CILP2: variants seen among roughly 807,000 people sequenced by gnomAD.
CILP2 encodes the protein CILP-2.
A neutral mutation model predicts 45.6 loss-of-function variants in CILP2; 38 were observed. The ratio of observed to expected loss-of-function variants is 0.83; its 90% CI spans 0.64 to 1.09. The LOEUF is 1.09. Among genes scored for constraint, CILP2 ranks in the 50% least tolerant of loss-of-function variants. The probability of loss-of-function intolerance (pLI) is 0.00; values close to 1 mark genes in which losing one functional copy is unlikely to be tolerated. For synonymous variants in CILP2, 780 were observed against 723.5 expected, an observed-to-expected ratio of 1.08 and a Z score of -1.25; for missense variants, 1,735 against 1,662.2, an observed-to-expected ratio of 1.04 and a Z score of -0.76.
rs772197980 is a variant in CILP2 at position 19,545,652 on chromosome 19, C to A, written c.3107C>A (p.Pro1036Gln). The change falls in exon 8 of 8, where the codon CCA becomes CAA. Residue 1036 changes from proline to glutamine, a missense_variant. Pro to Gln is a moderately conservative substitution (Grantham distance 76, BLOSUM62 -1). Coordinates refer to ENST00000291495, the MANE Select transcript of CILP2 (RefSeq NM_153221.2). ...LLRDYLTRHP[P>Q]PVPAEDPAAF... ...CGGGATTACCTGACCCGGCACCCCC[C>A]ACCGGTGCCCGCGGAGGACCCAGCT... 25 of 1,609,300 alleles carry A rather than the reference C, an allele frequency of 1.6e-5. No individual in the cohort carries two copies. The highest frequency in any genetic ancestry group is 2.7e-5 in the African/African-American group (2 of 74,850).
rs1174430552 is a variant in CILP2 at position 19,545,338 on chromosome 19, C to A, written c.2793C>A (p.Pro931=). 13 of 1,612,252 alleles carry A rather than the reference C, an allele frequency of 8.1e-6. No individual in the cohort carries two copies. Among genetic ancestry groups the A allele is most frequent in the Non-Finnish European group, 1.1e-5 (13 of 1,179,766 alleles). Residue 931 remains proline (P), a synonymous_variant, in exon 8 of 8, where the codon CCC becomes CCA. Coordinates refer to ENST00000291495, the MANE Select transcript of CILP2 (RefSeq NM_153221.2). The stretch of plus-strand genomic sequence containing the variant: ...CTGGCGATCTCCTGGCCTGGTGGCC[C>A]AACCCGCAGGAGTTCCGGGCCTGCT... ...SWTGDLLAWW[P]NPQEFRACFL... is the part of the protein sequence containing the mutation.
Position 19,545,771 on chromosome 19 carries a change from G to A in CILP2, c.3226G>A (p.Ala1076Thr), listed in dbSNP as rs1180523127. 1 of 1,606,544 alleles carries A rather than the reference G, an allele frequency of 6.2e-7. No homozygotes were observed. Among genetic ancestry groups the A allele is most frequent in the Middle Eastern group, 1.7e-4 (1 of 6,024 alleles). ...DQSPRLAKEI[A>T]IGRCFDGSSD... ...GAGCCCACGCTTGGCCAAGGAGATC[G>A]CCATTGGCCGCTGCTTTGATGGTTC... Residue 1076 changes from alanine (A) to threonine (T), a missense_variant, in exon 8 of 8, where the codon GCC (alanine) becomes ACC (threonine). By Grantham distance (58) the Ala-to-Thr change is moderately conservative (BLOSUM62 0). Transcript: ENST00000291495.
intron 4 of CILP2, among the ~76,000 whole-genome samples, chr19:19,542,013 G>A (rs1030705931): frequency 5.9e-5 from 9 of 152,186 alleles, no homozygotes; most frequent in Admixed American, 5.2e-4. Flanking sequence ...GGGAAGGGGG[G>A]CAGTTGTTCT....
chr19:19,540,546 G>C (rs2061239661), intron 3 of CILP2, 70 bp downstream of exon 3: 9 of 1,216,462 alleles, frequency 7.4e-6, no homozygotes, highest in Non-Finnish European at 9.7e-6. Flanking sequence ...GGGAAGAGTC[G>C]TGGTGGGTGG....
Position 19,540,188 on chromosome 19 carries a change from C to G in CILP2, c.164-16C>G. The G allele has an allele frequency of 6.4e-7, 1 of 1,561,328 alleles. No homozygotes were observed. The highest frequency in any genetic ancestry group is 8.6e-7 in the Non-Finnish European group (1 of 1,157,270). On this transcript the variant is annotated splice_polypyrimidine_tract_variant and intron_variant, in intron 2 of 7. Coordinates refer to ENST00000291495, the MANE Select transcript of CILP2 (RefSeq NM_153221.2). Reference sequence around the variant, plus strand: ...ACAGGCCGCCGCCCTGGTCCCAGCGCGTGCGGTGCCCGCAGAGGCCAGCGA... The same window carrying G: ...ACAGGCCGCCGCCCTGGTCCCAGCGGGTGCGGTGCCCGCAGAGGCCAGCGA...
chr19:19,546,434 C>T lies in CILP2; in HGVS notation c.*418C>T, dbSNP rs2061265646. 1 of 157,058 alleles carries T rather than the reference C, an allele frequency of 6.4e-6. No individual in the cohort carries two copies. The highest frequency in any genetic ancestry group is 6.5e-5 in the Admixed American group (1 of 15,462). 9.7% of individuals were successfully genotyped at this position (157,058 alleles called of 1,614,324 possible). ...GCTAGACCAGGTCCCCTGCCCCGAG[C>T]TTTGTTTTTGGGGTTATTTATTGAA... On this transcript the variant is annotated 3_prime_UTR_variant, in exon 8 of 8. Coordinates refer to ENST00000291495, the MANE Select transcript of CILP2 (RefSeq NM_153221.2).
chr19:19,544,297 G>A lies in CILP2; in HGVS notation c.1752G>A (p.Leu584=). 2 of 1,613,192 alleles carry A rather than the reference G, an allele frequency of 1.2e-6. No homozygotes were observed. Among genetic ancestry groups the A allele is most frequent in the Non-Finnish European group, 1.7e-6 (2 of 1,180,014 alleles). Residue 584 remains leucine (L), a synonymous_variant, in exon 8 of 8, where the codon CTG becomes CTA. Transcript: ENST00000291495. ...AAGATGAGGCGCCCCTGGGCGAGCT[G>A]GTCCTGCCTTCTGGCGCTTTCCGCA... ...ELEDEAPLGE[L]VLPSGAFRRA...
intron 4 of CILP2, 46 bp from the exon 5 acceptor site, chr19:19,542,329 G>A: frequency 1.3e-6 from 2 of 1,571,262 alleles, no homozygotes; most frequent in Non-Finnish European, 1.7e-6. Flanking sequence ...CCTCAGGAGG[G>A]AGTGTGAAGG....
chr19:19,544,530 C>T lies in CILP2; in HGVS notation c.1985C>T (p.Ala662Val). Reference sequence around the variant, plus strand: ...GAGCAGCTGCAGGTGGGGCCGGTGGCCGTGCGGGTGGCCGCCAGCCAGATC... The same window carrying T: ...GAGCAGCTGCAGGTGGGGCCGGTGGTCGTGCGGGTGGCCGCCAGCCAGATC... ...SAEQLQVGPVAVRVAASQIHM... is the reference protein window; with the variant it reads ...SAEQLQVGPVVVRVAASQIHM... The change falls in exon 8 of 8, where the codon GCC becomes GTC. Residue 662 changes from alanine to valine, a missense_variant. Ala to Val is a moderately conservative substitution (Grantham distance 64). Coordinates refer to ENST00000291495, the MANE Select transcript of CILP2 (RefSeq NM_153221.2). 6.3e-7 allele frequency: 1 copy of T among 1,589,256 alleles called. No homozygotes were observed.
Position 19,539,706 on chromosome 19 carries a change from C to A in CILP2, c.92C>A (p.Ala31Glu). The A allele has an allele frequency of 6.2e-7, 1 of 1,600,180 alleles. No homozygotes were observed. The highest frequency in any genetic ancestry group is 8.5e-7 in the Non-Finnish European group (1 of 1,172,322). Reference sequence around the variant, plus strand: ...GCCACCCCCACCGAGGAGCCAATGGCGACTGCACTGGGCCTGGAAAGACGG... The same window carrying A: ...GCCACCCCCACCGAGGAGCCAATGGAGACTGCACTGGGCCTGGAAAGACGG... ...RDATPTEEPMATALGLERRSV... is the reference protein window; with the variant it reads ...RDATPTEEPMETALGLERRSV... The change falls in exon 2 of 8, where the codon GCG becomes GAG. Residue 31 changes from alanine (A) to glutamate (E), a missense_variant. Physicochemically the swap from Ala to Glu is moderately radical, Grantham distance 107. Transcript: ENST00000291495.
chr19:19,540,658 G>T, intron 3 of CILP2, 182 bp downstream of exon 3: 3 of 729,942 alleles, frequency 4.1e-6, no homozygotes, highest in Non-Finnish European at 4.1e-6. Context: ...GGCAGGGCGG[G>T]GCTTTTGAAG....
Position 19,545,230 on chromosome 19 carries a change from C to T in CILP2, c.2685C>T (p.Ser895=), listed in dbSNP as rs757212819. Residue 895 remains serine, a synonymous_variant, in exon 8 of 8, where the codon AGC becomes AGT. Coordinates refer to ENST00000291495, the MANE Select transcript of CILP2 (RefSeq NM_153221.2). ...GCCAGGGGGCCCCGGTGACTGCCAGCCACTTCCGCTTCGCCAGGGTGGAGG... is the reference window on the plus strand; with the variant it reads ...GCCAGGGGGCCCCGGTGACTGCCAGTCACTTCCGCTTCGCCAGGGTGGAGG... The part of the protein sequence containing the change: ...RECQGAPVTA[S]HFRFARVEAD... The T allele has an allele frequency of 6.2e-7, 1 of 1,612,284 alleles. No homozygotes were observed. The highest frequency in any genetic ancestry group is 1.3e-5 in the African/African-American group (1 of 74,942).
intron 3 of CILP2, 98 bp downstream of exon 3, chr19:19,540,574 C>T: frequency 1.7e-6 from 2 of 1,187,984 alleles, no homozygotes; most frequent in South Asian, 1.8e-5. Context: ...AGGGGCAGGA[C>T]CGTGTGGGTG....
At chr19:19,539,094 C>T (rs1371893590) in intron 1 of CILP2, among the ~76,000 whole-genome samples, 1 of 152,168 alleles carries the variant, frequency 6.6e-6, no homozygotes, top group Non-Finnish European at 1.5e-5. Flanking sequence ...CCTAGGGGAA[C>T]TGGGTGGTAC....
Position 19,541,075 on chromosome 19 carries a change from TC to T in CILP2, c.437-13del. On this transcript the variant is annotated splice_polypyrimidine_tract_variant and intron_variant, in intron 3 of 7. Coordinates refer to ENST00000291495, the MANE Select transcript of CILP2 (RefSeq NM_153221.2). ...GGGGAGGGCGGCCACCTGATCTCCG[TC>T]CCTGCCTTCCGCAGAAGCCTCGTGG... The T allele has an allele frequency of 8.0e-7, 1 of 1,255,890 alleles. No homozygotes were observed. The allele number at this position is 1,255,890 out of a possible 1,614,324, so 77.8% of individuals were successfully genotyped here. A position where few individuals can be genotyped will look rare whatever the true frequency, so the allele number is the denominator to read the frequency against.
rs150096634 is a variant in CILP2, at chr19:19,538,460, G to A, written c.64+47G>A. ...CGCCCAGCCCCTGAGGCTCCCGAGG[G>A]CCTGGCAGCCGGCCTTGGGTGAAGC... On this transcript the variant is annotated intron_variant, in intron 1 of 7. Coordinates refer to ENST00000291495, the MANE Select transcript of CILP2 (RefSeq NM_153221.2). 8,117 of 1,407,224 alleles carry A rather than the reference G, an allele frequency of 5.8e-3. 179 individuals are homozygous for A. The highest frequency in any genetic ancestry group is 0.047 in the African/African-American group (3,112 of 66,582). The allele number at this position is 1,407,224 out of a possible 1,614,324, so 87.2% of individuals were successfully genotyped here. A position where few individuals can be genotyped will look rare whatever the true frequency, so the allele number is the denominator to read the frequency against.
chr19:19,539,578 AAAGGG>A lies in CILP2; in HGVS notation c.65-100_65-96del. 6 of 687,786 alleles carry A rather than the reference AAAGGG, an allele frequency of 8.7e-6. No individual in the cohort carries two copies. In the South Asian group the frequency reaches 1.9e-4, roughly 21 times the overall value. The allele number at this position is 687,786 out of a possible 1,614,324, so 42.6% of individuals were successfully genotyped here. ...GATTCCGTCTCAAAAAAAAAAAAAA[AAAGGG>A]GGGGGATGATCGTGGCTGCACCTTG... On this transcript the variant is annotated intron_variant, in intron 1 of 7. Transcript: ENST00000291495.
At chr19:19,541,937 T>C (rs8102502) in intron 4 of CILP2, among the ~76,000 whole-genome samples, 38,966 of 152,102 alleles carry the variant, frequency 0.26, 6,325 homozygotes, top group African/African-American at 0.45. Flanking sequence ...CTGGCTCTGC[T>C]CTCCCGGTGC....
At position 19,542,635 on chromosome 19, in the gene CILP2, A is replaced by G. The variant is rs758994214; in HGVS notation, c.853A>G (p.Ile285Val). The G allele has an allele frequency of 2.5e-6, 4 of 1,613,526 alleles. No homozygotes were observed. Among genetic ancestry groups the G allele is most frequent in the Non-Finnish European group, 3.4e-6 (4 of 1,179,574 alleles). The change falls in exon 5 of 8, where the codon ATC (isoleucine) becomes GTC (valine). Residue 285 changes from isoleucine (I) to valine (V), a missense_variant. Coordinates refer to ENST00000291495, the MANE Select transcript of CILP2 (RefSeq NM_153221.2). Reference sequence around the variant, plus strand: ...CGGATCCATCTCTGTGGTCACCATCATCCTTGATAAGTTGGGTAAGCACCC... The same window carrying G: ...CGGATCCATCTCTGTGGTCACCATCGTCCTTGATAAGTTGGGTAAGCACCC... ...ANGSISVVTIILDKLEKPYLV... is the reference protein window; with the variant it reads ...ANGSISVVTIVLDKLEKPYLV...
Sources: allele counts gnomAD v4.1 joint callset (sites outside exome capture counted in the v4.1 genomes callset), GRCh38; gene constraint gnomAD v4.1.1; transcripts MANE v1.5; gene names NCBI Gene and HGNC (gene_info 2026-07-23, HGNC 2026-07-21).